The following WIZ variants were observed in gnomAD, a reference collection of about 807,000 sequenced individuals.
WIZ encodes WIZ zinc finger, also known as protein Wiz.
Under a neutral mutation model 140.2 loss-of-function variants are expected in WIZ, and 25 were observed. The ratio of observed to expected loss-of-function variants is 0.18; its 90% confidence interval spans 0.13 to 0.25. WIZ has a LOEUF of 0.25. WIZ is among the 10% of genes least tolerant of loss of function. The pLI, the probability that WIZ is intolerant of heterozygous loss-of-function variation, is 1.00. For synonymous variants in WIZ, 1,125 were observed against 1,154.3 expected (o/e 0.97, Z 0.51); for missense variants, 2,231 against 2,632.6 (o/e 0.85, Z 3.34).
Position 15,442,892 on chromosome 19 carries a change from T to C in WIZ, c.206-144A>G. 2 of 434,718 alleles carry C rather than the reference T, an allele frequency of 4.6e-6. No homozygotes were observed. Among genetic ancestry groups the C allele is most frequent in the African/African-American group, 2.0e-5 (1 of 49,356 alleles). The allele number at this position is 434,718 out of a possible 1,614,324, so 26.9% of individuals were successfully genotyped here. On this transcript the variant is annotated intron_variant, in intron 2 of 12. Coordinates refer to ENST00000673675, the MANE Select transcript of WIZ (RefSeq NM_001371589.1). The surrounding 1 kb of genome is among the most constrained non-coding windows in gnomAD (Gnocchi z 5.5). ...CTCCCTGAGAGGCCCGTGGCCTCTG[T>C]GGTCCTGAGCCCTGAAAGGGGTTTC...
At chr19:15,446,209 AT>A (rs900930893) in intron 2 of WIZ, among the ~76,000 whole-genome samples, 11 of 152,098 alleles carry the variant, frequency 7.2e-5, no homozygotes, top group African/African-American at 2.7e-4. Flanking sequence ...ACCCTGGGTG[AT>A]TCCCCAGTGG....
chr19:15,436,787 GC>G lies in WIZ; in HGVS notation c.2740+18del. On this transcript the variant is annotated intron_variant, in intron 5 of 12. Transcript: ENST00000673675. ...CTGGGAAGGATGGGGCTCCAGCACA[GC>G]CCGTCCCCTCCCCTTACCATCTCCA... 1 of 1,550,010 alleles carries G rather than the reference GC, an allele frequency of 6.5e-7. No homozygotes were observed. The highest frequency in any genetic ancestry group is 1.2e-5 in the South Asian group (1 of 81,690).
chr19:15,433,242 T>C (rs1969383126), intron 5 of WIZ: 2 of 985,286 alleles, frequency 2.0e-6, no homozygotes, highest in South Asian at 9.4e-5. Context: ...TCCGCAGACC[T>C]AGGGAACCCC....
At position 15,440,299 on chromosome 19, in the gene WIZ, G is replaced by A. The variant is rs746882697; in HGVS notation, c.695C>T (p.Ala232Val). 20 of 1,503,318 alleles carry A rather than the reference G, an allele frequency of 1.3e-5. No individual in the cohort carries two copies. Among genetic ancestry groups the A allele is most frequent in the East Asian group, 2.5e-5 (1 of 40,546 alleles). 93.1% of individuals were successfully genotyped at this position (1,503,318 alleles called of 1,614,324 possible). A position where few individuals can be genotyped will look rare whatever the true frequency, so the allele number is the denominator to read the frequency against. Reference protein sequence around the residue: ...VEDTPKTLDMAVVGGREDLED... With the variant: ...VEDTPKTLDMVVVGGREDLED... ...CAGATCTTCTCTGCCACCCACCACC[G>A]CCATGTCCAGCGTCTTCGGGGTGTC... Residue 232 changes from alanine (A) to valine (V), a missense_variant, in exon 4 of 13, where the codon GCG becomes GTG. Ala to Val is a moderately conservative substitution (Grantham distance 64). Transcript: ENST00000673675. The surrounding 1 kb of genome is among the most constrained non-coding windows in gnomAD (Gnocchi z 6.2).
At chr19:15,437,433 C>T (rs1208929544) in intron 4 of WIZ, among the ~76,000 whole-genome samples, 1 of 152,188 alleles carries the variant, frequency 6.6e-6, no homozygotes, top group African/African-American at 2.4e-5. Flanking sequence ...GGAGGCCAAG[C>T]GGGAAGATCT....
At position 15,439,665 on chromosome 19, in the gene WIZ, G is replaced by A. The variant is rs184120373; in HGVS notation, c.1329C>T (p.Gly443=). 7,761 of 1,500,878 alleles carry A rather than the reference G, an allele frequency of 5.2e-3. 341 individuals are homozygous for A. In the African/African-American group the frequency reaches 0.094, roughly 18 times the overall value. 93.0% of individuals were successfully genotyped at this position (1,500,878 alleles called of 1,614,324 possible). Residue 443 remains glycine, a synonymous_variant, in exon 4 of 13, where the codon GGC becomes GGT. Coordinates refer to ENST00000673675, the MANE Select transcript of WIZ (RefSeq NM_001371589.1). The surrounding 1 kb of genome is among the most constrained non-coding windows in gnomAD (Gnocchi z 7.0). The part of the protein sequence containing the change: ...KEPFGGSSGA[G]SPSPEASALL... ...GGGCGCTGGCCTCAGGGCTGGGGCT[G>A]CCAGCCCCGCTGCTGCCTCCAAAAG...
At chr19:15,446,348 T>C (rs1252601080) in intron 2 of WIZ, among the ~76,000 whole-genome samples, 2 of 152,150 alleles carry the variant, frequency 1.3e-5, no homozygotes, top group Admixed American at 6.5e-5. Flanking sequence ...CTAGAGCCTG[T>C]ACCCTCAGGC....
chr19:15,449,113 G>A (rs1970021324), intron 1 of WIZ, among the ~76,000 whole-genome samples: 5 of 152,142 alleles, frequency 3.3e-5, no homozygotes, highest in Admixed American at 3.3e-4. Context: ...AGGGCTCCTG[G>A]TCCAGAAATG....
rs1969079623 is a variant in WIZ at position 15,429,485 on chromosome 19, CCCCCACCCACCCTGGGCCCTGT to C, written c.3415+79_3415+100del. 4 of 806,110 alleles carry C rather than the reference CCCCCACCCACCCTGGGCCCTGT, an allele frequency of 5.0e-6. No homozygotes were observed. In the South Asian group the frequency reaches 1.7e-4, roughly 33 times the overall value. 49.9% of individuals were successfully genotyped at this position (806,110 alleles called of 1,614,324 possible). On this transcript the variant is annotated intron_variant, in intron 7 of 12. Transcript: ENST00000673675. ...GACATGGGAGCTGTAGTCCCCACCG[CCCCCACCCACCCTGGGCCCTGT>C]CCCTGGGCTACAGCCCAACCTGAGG...
At chr19:15,444,117 T>TGGATTA (rs1270389067) in intron 2 of WIZ, among the ~76,000 whole-genome samples, 1 of 152,188 alleles carries the variant, frequency 6.6e-6, no homozygotes, top group African/African-American at 2.4e-5. Flanking sequence ...ATGCAATTGT[T>TGGATTA]GGATTAGCCT....
chr19:15,431,382 C>A (rs961526729), intron 5 of WIZ, among the ~76,000 whole-genome samples, 200 bp from the exon 6 acceptor site: 7 of 152,236 alleles, frequency 4.6e-5, no homozygotes, highest in African/African-American at 1.7e-4. Context: ...ACAGCAGACG[C>A]CAGCAGCTGC....
chr19:15,441,732 T>C (rs1320938243), intron 3 of WIZ, among the ~76,000 whole-genome samples: 2 of 152,128 alleles, frequency 1.3e-5, no homozygotes, highest in Admixed American at 1.3e-4. Flanking sequence ...CTTTCTAAGC[T>C]CCATCACTGA....
rs1375290300 is a variant in WIZ at position 15,439,720 on chromosome 19, C to T, written c.1274G>A (p.Arg425His). ...AYVQHAKLHM[R>H]EPPGQTTKEP... ...TTTGGTGGTCTGGCCTGGGGGCTCA[C>T]GCATGTGCAGCTTGGCATGCTGCAC... The change falls in exon 4 of 13, where the codon CGT becomes CAT. Residue 425 changes from arginine (R) to histidine (H), a missense_variant. Coordinates refer to ENST00000673675, the MANE Select transcript of WIZ (RefSeq NM_001371589.1). The surrounding 1 kb of genome is among the most constrained non-coding windows in gnomAD (Gnocchi z 7.0). The T allele has an allele frequency of 1.6e-5, 24 of 1,480,124 alleles. No individual in the cohort carries two copies. The highest frequency in any genetic ancestry group is 4.2e-5 in the African/African-American group (3 of 70,670). 91.7% of individuals were successfully genotyped at this position (1,480,124 alleles called of 1,614,324 possible). A position where few individuals can be genotyped will look rare whatever the true frequency, so the allele number is the denominator to read the frequency against.
Position 15,442,623 on chromosome 19 carries a change from T to C in WIZ, c.278+53A>G. 10 of 1,184,932 alleles carry C rather than the reference T, an allele frequency of 8.4e-6. No individual in the cohort carries two copies. Among genetic ancestry groups the C allele is most frequent in the Non-Finnish European group, 1.1e-5 (10 of 944,964 alleles). The allele number at this position is 1,184,932 out of a possible 1,614,324, so 73.4% of individuals were successfully genotyped here. On this transcript the variant is annotated intron_variant, in intron 3 of 12. Coordinates refer to ENST00000673675, the MANE Select transcript of WIZ (RefSeq NM_001371589.1). The surrounding 1 kb of genome is among the most constrained non-coding windows in gnomAD (Gnocchi z 5.5). The stretch of plus-strand genomic sequence containing the variant: ...CAGGGGCTTATCTGAGGCCTGGGCA[T>C]GTCCTGCTTGCCCCCCTGCCCTCCC...
chr19:15,434,812 A>G (rs1010114638), intron 5 of WIZ, among the ~76,000 whole-genome samples: 39 of 152,098 alleles, frequency 2.6e-4, no homozygotes, highest in Non-Finnish European at 1.2e-4. Context: ...CCTTCACCAA[A>G]TAGGACTTAT....
chr19:15,432,296 G>T, intron 5 of WIZ: 2 of 272,276 alleles, frequency 7.3e-6, no homozygotes, highest in Non-Finnish European at 1.1e-5. Flanking sequence ...GCGACAGAAG[G>T]CCCTGGGCCC....
At chr19:15,433,571 C>T (rs1431380293) in intron 5 of WIZ, among the ~76,000 whole-genome samples, 3 of 152,204 alleles carry the variant, frequency 2.0e-5, no homozygotes, top group African/African-American at 7.2e-5. Context: ...CTCCCAAGGA[C>T]AAGGCCAGGG....
Position 15,442,836 on chromosome 19 carries a change from C to T in WIZ, c.206-88G>A. On this transcript the variant is annotated intron_variant, in intron 2 of 12. Transcript: ENST00000673675. This position sits in a 1 kb window ranked among gnomAD's most constrained non-coding sequence, Gnocchi z 5.5. ...CAGCTCCAGGAGCCCTGCCAGGTGC[C>T]TCAGAAAGGCCCTGCTGGCTCCCAG... 3 of 781,786 alleles carry T rather than the reference C, an allele frequency of 3.8e-6. No homozygotes were observed. Among genetic ancestry groups the T allele is most frequent in the Non-Finnish European group, 5.2e-6 (3 of 576,532 alleles). The allele number at this position is 781,786 out of a possible 1,614,324, so 48.4% of individuals were successfully genotyped here.
Position 15,439,993 on chromosome 19 carries a change from A to G in WIZ, c.1001T>C (p.Met334Thr). 6.5e-7 allele frequency: 1 copy of G among 1,535,728 alleles called. No individual in the cohort carries two copies. The highest frequency in any genetic ancestry group is 8.7e-7 in the Non-Finnish European group (1 of 1,146,756). The change falls in exon 4 of 13, where the codon ATG becomes ACG. Residue 334 changes from methionine to threonine, a missense_variant. This residue lies in a region of WIZ where 475 missense variants were observed against 520.2 expected (regional missense o/e 0.91). Coordinates refer to ENST00000673675, the MANE Select transcript of WIZ (RefSeq NM_001371589.1). This position sits in a 1 kb window ranked among gnomAD's most constrained non-coding sequence, Gnocchi z 7.0. Reference protein sequence around the residue: ...FKQKEHLLEHMSQHRRAPGQE... With the variant: ...FKQKEHLLEHTSQHRRAPGQE... The stretch of plus-strand genomic sequence containing the variant: ...GCCCGGGGCTCGGCGGTGCTGGCTC[A>G]TGTGCTCCAGGAGGTGCTCCTTCTG...
Sources: gnomAD v4.1 joint callset for allele counts (sites outside exome capture counted in the v4.1 genomes callset) on GRCh38, gnomAD v4.1.1 for gene constraint, gnomAD v4.1.1 regional missense constraint, Gnocchi (gnomAD v3.1) non-coding constraint, MANE v1.5 for transcripts, NCBI Gene and HGNC (gene_info 2026-07-23, HGNC 2026-07-21) for gene names.